AMZ1: variants seen among roughly 807,000 people sequenced by gnomAD.
AMZ1 encodes the protein archaelysin family metallopeptidase 1.
Under a neutral mutation model 29.9 loss-of-function variants are expected in AMZ1, and 39 were observed. The observed-to-expected ratio is 1.30, with a 90% CI of 1.01 to 1.70. The LOEUF is 1.70. AMZ1 is among the 40% of genes most tolerant of loss of function. The pLI is 0.00. For missense variants in AMZ1, 1,041 were observed against 680.6 expected, an observed-to-expected ratio of 1.53 and a Z score of -5.89; for synonymous variants, 458 against 304.0, an observed-to-expected ratio of 1.51 and a Z score of -5.27.
chr7:2,695,133 G>A (rs550447242), intron 1 of AMZ1, among the ~76,000 whole-genome samples: 7 of 152,316 alleles, frequency 4.6e-5, no homozygotes, highest in African/African-American at 1.4e-4. Context: ...TGGCCCCGCT[G>A]CAAGACTTGC....
intron 4 of AMZ1, 131 bp from the exon 5 acceptor site, chr7:2,708,944 C>A (rs1788554030): frequency 7.7e-7 from 1 of 1,305,790 alleles, no homozygotes; most frequent in Non-Finnish European, 1.0e-6. Context: ...GTGGGCAGGA[C>A]AGGGCCTCCC....
Position 2,709,626 on chromosome 7 carries a change from G to A in AMZ1, c.772-14G>A, listed in dbSNP as rs1049508630. On this transcript the variant is annotated splice_polypyrimidine_tract_variant and intron_variant, in intron 5 of 6. Transcript: ENST00000683327. ...AAGGCAGTGAGGCAAGGTGCTTGGT[G>A]GCCTTCCCCCCAGGTCACGTGCCAC... is the stretch of plus-strand genomic sequence containing the variant. 2 of 1,604,658 alleles carry A rather than the reference G, an allele frequency of 1.2e-6. No homozygotes were observed. Among genetic ancestry groups the A allele is most frequent in the Admixed American group, 1.7e-5 (1 of 59,334 alleles).
intron 1 of AMZ1, among the ~76,000 whole-genome samples, chr7:2,695,079 G>A (rs10276467): frequency 0.11 from 16,548 of 152,224 alleles, 1,205 homozygotes; most frequent in East Asian, 0.4. Flanking sequence ...AGCTGCTTCT[G>A]GCTGACTTGG....
chr7:2,716,169 G>A lies in AMZ1; in HGVS notation c.*3291G>A, dbSNP rs1167428387. ...TAACACATGCCTTCTGAAGTGGCTA[G>A]AATACACACTCCCACGTCACAGCCA... On this transcript the variant is annotated 3_prime_UTR_variant, in exon 7 of 7. Transcript: ENST00000683327. The A allele has an allele frequency of 6.6e-6, 1 of 152,246 alleles. No individual in the cohort carries two copies. The highest frequency in any genetic ancestry group is 1.5e-5 in the Non-Finnish European group (1 of 68,064). The allele number at this position is 152,246 out of a possible 1,614,324, so 9.4% of individuals were successfully genotyped here.
upstream of AMZ1, among the ~76,000 whole-genome samples, chr7:2,764,222 G>A (rs1791706851): frequency 6.6e-6 from 1 of 150,812 alleles, no homozygotes; most frequent in Non-Finnish European, 1.5e-5. Context: ...ACGGGCACGT[G>A]CCACCTATCC....
At chr7:2,743,991 G>A (rs556316743) in intron 4 of AMZ1, among the ~76,000 whole-genome samples, 3 of 152,310 alleles carry the variant, frequency 2.0e-5, no homozygotes, top group East Asian at 3.9e-4. Flanking sequence ...CACCATTGCC[G>A]AGACTTGATT....
chr7:2,697,647 A>G (rs1322416327), intron 1 of AMZ1, among the ~76,000 whole-genome samples: 4 of 150,178 alleles, frequency 2.7e-5, no homozygotes, highest in African/African-American at 9.8e-5. Context: ...CTGGTCTTGA[A>G]CTCCTGTGCT....
chr7:2,753,361 G>GA, intron 4 of AMZ1, among the ~76,000 whole-genome samples: 1 of 151,916 alleles, frequency 6.6e-6, no homozygotes. Context: ...ATGTTGTCCA[G>GA]GCTGGTCTTA....
chr7:2,758,941 G>C (rs1791427576), intron 4 of AMZ1, among the ~76,000 whole-genome samples: 2 of 152,012 alleles, frequency 1.3e-5, no homozygotes, highest in Admixed American at 1.3e-4. Flanking sequence ...AGGAGTTCGA[G>C]ACCAGCCTCC....
At position 2,716,870 on chromosome 7, in the gene AMZ1, A is replaced by G. The variant is rs1789152652; in HGVS notation, c.*3992A>G. Among the ~76,000 whole-genome samples, 1 of 152,222 alleles carries G rather than the reference A, an allele frequency of 6.6e-6. No individual in the cohort carries two copies. The highest frequency in any genetic ancestry group is 6.5e-5 in the Admixed American group (1 of 15,284). On this transcript the variant is annotated 3_prime_UTR_variant, in exon 7 of 7. Transcript: ENST00000683327. Reference sequence around the variant, plus strand: ...CCCCACCATATGGCTGTGGCTGTCGAGATGGGACTGGGAAGGGCTGGAGCC... The same window carrying G: ...CCCCACCATATGGCTGTGGCTGTCGGGATGGGACTGGGAAGGGCTGGAGCC...
At position 2,727,439 on chromosome 7, in the gene AMZ1, G is replaced by C. The variant is rs115699719; in HGVS notation, n.550+17623G>C. On this transcript the variant is annotated intron_variant and non_coding_transcript_variant, in intron 4 of 4. Coordinates refer to the AMZ1 transcript ENST00000489665. ...TTGCCCAGGGTGGAGTGCAGAGTGC[G>C]ATCGCAGCTCGCTGTAGCCTCAAGC... 1.3e-3 allele frequency among the ~76,000 whole-genome samples: 200 copies of C among 152,178 alleles called. 3 individuals are homozygous for C. Among genetic ancestry groups the C allele is most frequent in the African/African-American group, 4.5e-3 (186 of 41,512 alleles).
chr7:2,699,639 T>A (rs1787936783), intron 1 of AMZ1, among the ~76,000 whole-genome samples: 1 of 151,986 alleles, frequency 6.6e-6, no homozygotes, highest in African/African-American at 2.4e-5. Context: ...GGGGGGTCCC[T>A]AGGTGATAGG....
At chr7:2,711,928 T>C (rs917722729) in intron 6 of AMZ1, among the ~76,000 whole-genome samples, 17 of 152,038 alleles carry the variant, frequency 1.1e-4, no homozygotes, top group Non-Finnish European at 2.2e-4. Context: ...ACCTGTAAAA[T>C]CCCTGCTACT....
upstream of AMZ1, chr7:2,762,220 G>C (rs1791592705): frequency 5.6e-6 from 1 of 178,194 alleles, no homozygotes. Flanking sequence ...AAGTTGTAAG[G>C]GCTTCGTGTT....
At chr7:2,728,223 G>T (rs896601440) in intron 4 of AMZ1, 2 of 152,278 alleles carry the variant, frequency 1.3e-5, no homozygotes, top group Non-Finnish European at 2.9e-5. Flanking sequence ...CTTACACCAT[G>T]AACAACTGAC....
chr7:2,763,947 T>A (rs1335841668), upstream of AMZ1, among the ~76,000 whole-genome samples: 2 of 152,162 alleles, frequency 1.3e-5, no homozygotes, highest in African/African-American at 4.8e-5. Flanking sequence ...TATGCACCCT[T>A]CTTTCCTATA....
At chr7:2,692,317 G>T (rs1787444926) in intron 1 of AMZ1, among the ~76,000 whole-genome samples, 1 of 152,040 alleles carries the variant, frequency 6.6e-6, no homozygotes, top group African/African-American at 2.4e-5. Flanking sequence ...GAGGCGGGCG[G>T]ATCATGAGGT....
rs1264462135 is a variant in AMZ1 at position 2,748,822 on chromosome 7, C to A, written n.551-15890C>A. On this transcript the variant is annotated intron_variant and non_coding_transcript_variant, in intron 4 of 4. Transcript: ENST00000489665. ...CTCAAACAAATTTACAAGAAAAAAA[C>A]AAACAACCCCATCAAAAAGTGGGCA... Among the ~76,000 whole-genome samples the A allele has an allele frequency of 9.4e-3, 1,432 of 152,104 alleles. 12 individuals are homozygous for A. The highest frequency in any genetic ancestry group is 0.032 in the African/African-American group (1,340 of 41,476).
At chr7:2,738,487 C>T (rs910481049) in intron 4 of AMZ1, among the ~76,000 whole-genome samples, 3 of 152,128 alleles carry the variant, frequency 2.0e-5, no homozygotes, top group East Asian at 3.8e-4. Context: ...AAAGGAAAAG[C>T]ACAAGGCACG....
Sources: allele counts gnomAD v4.1 joint callset (sites outside exome capture counted in the v4.1 genomes callset), GRCh38; gene constraint gnomAD v4.1.1; transcripts MANE v1.5; gene names NCBI Gene and HGNC (gene_info 2026-07-23, HGNC 2026-07-21).